The following RBFOX1 variants were observed in gnomAD, a reference collection of about 807,000 sequenced individuals.
The protein encoded by RBFOX1 is RNA binding protein fox-1 homolog 1.
In RBFOX1, 8 loss-of-function variants were observed where a neutral mutation model predicts 57.7. The ratio of observed to expected loss-of-function variants is 0.14; its 90% CI spans 0.08 to 0.25. The LOEUF (loss-of-function observed/expected upper bound fraction) is 0.25, where lower values mean the gene tolerates loss of function less well. Ranked by LOEUF, RBFOX1 falls within the 10% of genes least tolerant of loss-of-function variation. The pLI is 1.00. For synonymous variants in RBFOX1, 326 were observed against 222.4 expected (o/e 1.47, Z -4.15); for missense variants, 611 against 548.5 (o/e 1.11, Z -1.14).
intron 4 of RBFOX1, among the ~76,000 whole-genome samples, chr16:7,344,577 T>G (rs1266756547): frequency 6.6e-6 from 1 of 151,432 alleles, no homozygotes; most frequent in Non-Finnish European, 1.5e-5. Context: ...TTATATGTAA[T>G]ATAAATGATA....
intron 9 of RBFOX1, among the ~76,000 whole-genome samples, chr16:7,600,472 T>A (rs1054161607): frequency 2.0e-5 from 3 of 152,184 alleles, no homozygotes; most frequent in Non-Finnish European, 4.4e-5. Context: ...TTTCATATCC[T>A]TAATAAGCAA....
intron 3 of RBFOX1, among the ~76,000 whole-genome samples, chr16:5,801,572 G>C (rs1254005136): frequency 2.6e-5 from 4 of 152,042 alleles, no homozygotes; most frequent in Non-Finnish European, 5.9e-5. Context: ...GGGATGAGTG[G>C]GGTTTGGTTA....
At chr16:6,746,338 T>C (rs2073633008) in intron 3 of RBFOX1, among the ~76,000 whole-genome samples, 2 of 152,018 alleles carry the variant, frequency 1.3e-5, no homozygotes, top group South Asian at 4.1e-4. Flanking sequence ...TTTGGGAAGA[T>C]GAATACTGTA....
At chr16:5,602,265 T>C (rs2047390832), downstream of RBFOX1, among the ~76,000 whole-genome samples, 1 of 152,220 alleles carries the variant, frequency 6.6e-6, no homozygotes, top group Non-Finnish European at 1.5e-5. Context: ...AAATGTAAAA[T>C]GTGTTCCATC....
At chr16:5,996,639 G>A (rs1370408357) in intron 4 of RBFOX1, among the ~76,000 whole-genome samples, 1 of 152,084 alleles carries the variant, frequency 6.6e-6, no homozygotes, top group African/African-American at 2.4e-5. Flanking sequence ...TTGCAGCATA[G>A]GCATTTACCA....
At position 7,711,262 on chromosome 16, in the gene RBFOX1, AC is replaced by A. The variant is rs2083965074; in HGVS notation, c.*520del. The A allele has an allele frequency of 6.6e-6, 1 of 152,260 alleles. No homozygotes were observed. The highest frequency in any genetic ancestry group is 2.4e-5 in the African/African-American group (1 of 41,350). 9.4% of individuals were successfully genotyped at this position (152,260 alleles called of 1,614,324 possible). A position where few individuals can be genotyped will look rare whatever the true frequency, so the allele number is the denominator to read the frequency against. On this transcript the variant is annotated 3_prime_UTR_variant, in exon 16 of 16. Transcript: ENST00000550418. Reference sequence around the variant, plus strand: ...AAAATGTAACTGATGAATCTAAACGACCCACTGCACCAACAATCATTTATCA... The same window carrying A: ...AAAATGTAACTGATGAATCTAAACGACCACTGCACCAACAATCATTTATCA...
At chr16:6,920,584 G>C (rs1001973396) in intron 3 of RBFOX1, among the ~76,000 whole-genome samples, 2 of 152,128 alleles carry the variant, frequency 1.3e-5, no homozygotes, top group South Asian at 2.1e-4. Context: ...TTACTGTTTG[G>C]GGAATTAGAA....
chr16:6,098,111 A>G (rs2096266297), intron 1 of RBFOX1, among the ~76,000 whole-genome samples: 1 of 152,124 alleles, frequency 6.6e-6, no homozygotes, highest in African/African-American at 2.4e-5. Context: ...GTCGGTCACC[A>G]TTTACTTTGT....
intron 4 of RBFOX1, among the ~76,000 whole-genome samples, chr16:7,342,791 C>G (rs1056639314): frequency 2.6e-5 from 4 of 152,218 alleles, no homozygotes; most frequent in Admixed American, 2.0e-4. Context: ...GGTATAAAAG[C>G]CACCATCCTC....
At chr16:7,048,107 G>T (rs1304289390) in intron 3 of RBFOX1, among the ~76,000 whole-genome samples, 2 of 152,108 alleles carry the variant, frequency 1.3e-5, no homozygotes, top group Non-Finnish European at 2.9e-5. Flanking sequence ...TCAAATTCCT[G>T]ACCTCAGGTG....
chr16:7,195,808 C>G (rs982250017), intron 4 of RBFOX1, among the ~76,000 whole-genome samples: 1 of 152,180 alleles, frequency 6.6e-6, no homozygotes, highest in Non-Finnish European at 1.5e-5. Context: ...CTGCCTCTGC[C>G]TCCCAAAGTG....
rs192227506 is a variant in RBFOX1, at chr16:5,710,791, C to T, written c.318+111830C>T. 7.0e-3 allele frequency among the ~76,000 whole-genome samples: 1,063 copies of T among 152,138 alleles called. 16 individuals are homozygous for T. The highest frequency in any genetic ancestry group is 0.025 in the African/African-American group (1,025 of 41,506). Reference sequence around the variant, plus strand: ...CTGGGGACCCCTGGCGTTTTCTGGGCTTGTTGGCAGTGGTTGCATTTGTGT... The same window carrying T: ...CTGGGGACCCCTGGCGTTTTCTGGGTTTGTTGGCAGTGGTTGCATTTGTGT... On this transcript the variant is annotated intron_variant, in intron 3 of 19. Coordinates refer to the RBFOX1 transcript ENST00000641259.
At position 7,231,298 on chromosome 16, in the gene RBFOX1, C is replaced by G. The variant is rs546379659; in HGVS notation, c.27+179200C>G. On this transcript the variant is annotated intron_variant, in intron 4 of 15. Coordinates refer to ENST00000550418, the MANE Select transcript of RBFOX1 (RefSeq NM_018723.4). ...GGTTTGTCTTGTACCATGTGTTTAT[C>G]CTTAAACCAATCAGAATGAATCAGG... Among the ~76,000 whole-genome samples, 16 of 152,222 alleles carry G rather than the reference C, an allele frequency of 1.1e-4. 1 individual carries two copies. The South Asian group carries it at 3.1e-3, about 30-fold the overall frequency.
intron 4 of RBFOX1, among the ~76,000 whole-genome samples, chr16:7,409,134 C>G (rs564482563): frequency 2.0e-5 from 3 of 152,264 alleles, no homozygotes; most frequent in African/African-American, 7.2e-5. Flanking sequence ...CAGCAGAATC[C>G]GGCCTGTGAT....
At chr16:6,401,780 A>G (rs1464784422) in intron 2 of RBFOX1, among the ~76,000 whole-genome samples, 1 of 152,176 alleles carries the variant, frequency 6.6e-6, no homozygotes, top group Non-Finnish European at 1.5e-5. Flanking sequence ...ATGATAAACT[A>G]TAGTTTATTT....
chr16:6,151,229 G>C (rs2096795219), intron 1 of RBFOX1, among the ~76,000 whole-genome samples: 1 of 152,080 alleles, frequency 6.6e-6, no homozygotes, highest in African/African-American at 2.4e-5. Flanking sequence ...CAGGCTTAAG[G>C]AACCCCGCGA....
At chr16:7,118,837 A>C (rs371299731) in intron 4 of RBFOX1, among the ~76,000 whole-genome samples, 4 of 152,190 alleles carry the variant, frequency 2.6e-5, no homozygotes, top group Non-Finnish European at 5.9e-5. Flanking sequence ...GCACCGAAAG[A>C]GAGAATGGAA....
chr16:6,676,398 C>G (rs141679735), intron 3 of RBFOX1, among the ~76,000 whole-genome samples: 1 of 151,964 alleles, frequency 6.6e-6, no homozygotes, highest in Admixed American at 6.6e-5. Context: ...TGGGTCCTAG[C>G]CCAAGGTCAA....
At chr16:6,983,694 C>T (rs1160262885) in intron 3 of RBFOX1, 3 of 152,278 alleles carry the variant, frequency 2.0e-5, no homozygotes, top group Admixed American at 2.0e-4. Flanking sequence ...CCTGGGAAAA[C>T]AGTGTTGCAT....
Sources: gnomAD v4.1 joint callset for allele counts (sites outside exome capture counted in the v4.1 genomes callset) on GRCh38, gnomAD v4.1.1 for gene constraint, MANE v1.5 for transcripts, NCBI Gene and HGNC (gene_info 2026-07-23, HGNC 2026-07-21) for gene names.